Variants in SUCLG2 observed in about 807,000 individuals in gnomAD.
The protein encoded by SUCLG2 is succinate--CoA ligase [GDP-forming] subunit beta, mitochondrial.
A neutral mutation model predicts 47.9 loss-of-function variants in SUCLG2; 42 were observed. The observed-to-expected ratio is 0.88, with a 90% confidence interval of 0.69 to 1.14. SUCLG2 has a LOEUF of 1.14. SUCLG2 is among the 50% of genes most tolerant of loss of function. SUCLG2 has a pLI of 0.00. For synonymous variants in SUCLG2, 195 were observed against 197.3 expected (o/e 0.99, Z 0.10); for missense variants, 571 against 525.9 (o/e 1.09, Z -0.84).
At chr3:67,505,029 C>T (rs1705598261) in intron 7 of SUCLG2, among the ~76,000 whole-genome samples, 1 of 152,198 alleles carries the variant, frequency 6.6e-6, no homozygotes, top group African/African-American at 2.4e-5. Flanking sequence ...CATGTTTTGA[C>T]TCAGTGTCCC....
At position 67,443,341 on chromosome 3, in the gene SUCLG2, C is replaced by G. The variant is rs1444270874; in HGVS notation, c.1063-42490G>C. The stretch of plus-strand genomic sequence containing the variant: ...GCGGAGCTGTCTCAGTCTTTGCCGC[C>G]GCGCCGGCGAGCGCCCCTCGGGAGG... On this transcript the variant is annotated intron_variant, in intron 9 of 10. Coordinates refer to ENST00000307227, the MANE Select transcript of SUCLG2 (RefSeq NM_003848.4). Among the ~76,000 whole-genome samples the G allele has an allele frequency of 5.2e-4, 16 of 30,912 alleles. 6 individuals carry two copies. Among genetic ancestry groups the G allele is most frequent in the East Asian group, 3.1e-3 (4 of 1,282 alleles). 20.3% of individuals were successfully genotyped at this position (30,912 alleles called of 152,430 possible).
chr3:67,552,052 C>T (rs755989620), intron 2 of SUCLG2, among the ~76,000 whole-genome samples: 9 of 151,834 alleles, frequency 5.9e-5, no homozygotes, highest in East Asian at 1.9e-4. Flanking sequence ...CAAGAAGCCA[C>T]GCCACCCAGT....
At chr3:67,615,621 AACACACACAC>A (rs60992383) in intron 1 of SUCLG2, among the ~76,000 whole-genome samples, 5 of 142,086 alleles carry the variant, frequency 3.5e-5, no homozygotes, top group African/African-American at 1.1e-4. Context: ...CACAAACACA[AACACACACAC>A]ACACACACAC....
intron 2 of SUCLG2, among the ~76,000 whole-genome samples, chr3:67,541,464 G>C (rs1206742741): frequency 1.3e-5 from 2 of 152,068 alleles, no homozygotes; most frequent in African/African-American, 4.8e-5. Context: ...GAAGATTACA[G>C]AAAAAAGAGT....
intron 10 of SUCLG2, among the ~76,000 whole-genome samples, chr3:67,384,213 T>A (rs925206496): frequency 1.3e-5 from 2 of 152,144 alleles, no homozygotes; most frequent in African/African-American, 4.8e-5. Context: ...GAGCTTAATA[T>A]TGCCTGCCAA....
At chr3:67,378,158 C>T (rs1029651541) in intron 10 of SUCLG2, among the ~76,000 whole-genome samples, 3 of 152,212 alleles carry the variant, frequency 2.0e-5, no homozygotes, top group Non-Finnish European at 2.9e-5. Context: ...TTTGTAAATG[C>T]TGTGGAAGGC....
At chr3:67,450,073 G>C (rs1704020641) in intron 9 of SUCLG2, among the ~76,000 whole-genome samples, 1 of 150,700 alleles carries the variant, frequency 6.6e-6, no homozygotes. Context: ...ACAGGGTCTT[G>C]CTCTGTTGCC....
chr3:67,568,204 CAA>C (rs1473404457), intron 2 of SUCLG2, among the ~76,000 whole-genome samples: 1 of 152,006 alleles, frequency 6.6e-6, no homozygotes, highest in Non-Finnish European at 1.5e-5. Flanking sequence ...ACACAAAAGA[CAA>C]GAGAATAAGG....
intron 6 of SUCLG2, among the ~76,000 whole-genome samples, chr3:67,517,692 A>G (rs765336718): frequency 6.6e-6 from 1 of 152,228 alleles, no homozygotes; most frequent in Non-Finnish European, 1.5e-5. Context: ...AGCTGTTCTC[A>G]ATAAAATATC....
At chr3:67,525,674 A>T (rs1706236733) in intron 4 of SUCLG2, among the ~76,000 whole-genome samples, 1 of 152,212 alleles carries the variant, frequency 6.6e-6, no homozygotes, top group Admixed American at 6.5e-5. Context: ...ATAAAACTAT[A>T]AAACATCTAG....
At position 67,442,488 on chromosome 3, in the gene SUCLG2, A is replaced by G. The variant is rs542055838; in HGVS notation, c.1063-41637T>C. On this transcript the variant is annotated intron_variant, in intron 9 of 10. Transcript: ENST00000307227. The stretch of plus-strand genomic sequence containing the variant: ...GTGGGGCTGAAGAATCTGTGTTCTA[A>G]AGGGCTTTCCAGGGGATTCTTATGC... Among the ~76,000 whole-genome samples, 27 of 152,268 alleles carry G rather than the reference A, an allele frequency of 1.8e-4. No homozygotes were observed. The South Asian group carries it at 5.6e-3, about 32-fold the overall frequency.
chr3:67,548,986 T>A (rs1364675592), intron 2 of SUCLG2, among the ~76,000 whole-genome samples: 5 of 152,180 alleles, frequency 3.3e-5, no homozygotes, highest in Non-Finnish European at 7.3e-5. Context: ...AATACTGAGT[T>A]CAAATGGGAA....
intron 2 of SUCLG2, among the ~76,000 whole-genome samples, chr3:67,534,827 G>A (rs1189916759): frequency 8.1e-6 from 1 of 122,748 alleles, no homozygotes; most frequent in Non-Finnish European, 1.6e-5. Flanking sequence ...TTCAACACCT[G>A]TAACTAATTA....
At chr3:67,522,447 T>C (rs1706133532) in intron 4 of SUCLG2, among the ~76,000 whole-genome samples, 1 of 152,026 alleles carries the variant, frequency 6.6e-6, no homozygotes, top group Non-Finnish European at 1.5e-5. Flanking sequence ...TCCCTGTAGA[T>C]AAGTATCCTA....
intron 7 of SUCLG2, among the ~76,000 whole-genome samples, chr3:67,505,992 G>T (rs1705627728): frequency 6.6e-6 from 1 of 151,722 alleles, no homozygotes; most frequent in South Asian, 2.1e-4. Context: ...AAAAGAAAAA[G>T]AAACAACAAC....
At chr3:67,430,017 C>T (rs1478802540) in intron 9 of SUCLG2, among the ~76,000 whole-genome samples, 2 of 152,094 alleles carry the variant, frequency 1.3e-5, no homozygotes, top group African/African-American at 4.8e-5. Context: ...TTTAACACCC[C>T]ACTATCAACA....
intron 10 of SUCLG2, among the ~76,000 whole-genome samples, chr3:67,384,904 T>C (rs1702229005): frequency 6.6e-6 from 1 of 152,202 alleles, no homozygotes; most frequent in Admixed American, 6.5e-5. Context: ...CTGTCTTCCC[T>C]CATCTGAAAC....
At chr3:67,537,675 A>G (rs1406162911) in intron 2 of SUCLG2, among the ~76,000 whole-genome samples, 1 of 152,212 alleles carries the variant, frequency 6.6e-6, no homozygotes, top group Non-Finnish European at 1.5e-5. Context: ...GAACTAATTT[A>G]CACTCCCATC....
At chr3:67,631,414 G>T (rs1700923625) in intron 1 of SUCLG2, among the ~76,000 whole-genome samples, 1 of 152,080 alleles carries the variant, frequency 6.6e-6, no homozygotes, top group African/African-American at 2.4e-5. Flanking sequence ...GATTCCTTGA[G>T]GCCAGGAGTT....
Sources: gnomAD v4.1 joint callset for allele counts (sites outside exome capture counted in the v4.1 genomes callset) on GRCh38, gnomAD v4.1.1 for gene constraint, MANE v1.5 for transcripts, NCBI Gene and HGNC (gene_info 2026-07-23, HGNC 2026-07-21) for gene names.